Variants in AGMO observed in about 807,000 individuals in gnomAD.
AGMO encodes the protein alkylglycerol monooxygenase.
Under a neutral mutation model 60.2 loss-of-function variants are expected in AGMO, and 75 were observed. That is an observed-to-expected ratio of 1.25 (90% CI 1.03 to 1.51). AGMO has a LOEUF of 1.51. AGMO is among the 40% of genes most tolerant of loss of function. The pLI is 0.00. For synonymous variants in AGMO, 261 were observed against 177.1 expected (o/e 1.47, Z -3.76); for missense variants, 763 against 525.5 (o/e 1.45, Z -4.42).
intron 1 of AGMO, 58 bp from the exon 2 acceptor site, chr7:15,560,329 A>G (rs745710642): frequency 1.5e-5 from 23 of 1,554,422 alleles, no homozygotes; most frequent in Non-Finnish European, 1.9e-5. Flanking sequence ...ATTATTTTAC[A>G]TTTCCTGATT....
intron 3 of AGMO, among the ~76,000 whole-genome samples, chr7:15,528,353 C>T (rs889157465): frequency 2.0e-5 from 3 of 151,938 alleles, no homozygotes; most frequent in Non-Finnish European, 4.4e-5. Flanking sequence ...TTCTTGATTG[C>T]GATATTCACT....
At chr7:15,198,236 A>AGAGAGAGAGAGAGAGG (rs1563030426), downstream of AGMO, among the ~76,000 whole-genome samples, 124 of 115,814 alleles carry the variant, frequency 1.1e-3, 3 homozygotes, top group Non-Finnish European at 1.8e-3. Flanking sequence ...AGAGAGAGAG[A>AGAGAGAGAGAGAGAGG]GAGAGAGAGA....
intron 12 of AGMO, among the ~76,000 whole-genome samples, chr7:15,301,765 T>C (rs1214516960): frequency 6.6e-6 from 1 of 152,134 alleles, no homozygotes. Flanking sequence ...CCAATCTGAA[T>C]TACATACATC....
chr7:15,159,691 G>T, the AGMO span, among the ~76,000 whole-genome samples: 40 of 152,090 alleles, frequency 2.6e-4, no homozygotes, highest in Admixed American at 2.0e-4. Flanking sequence ...GCTGCAAATG[G>T]GACAGGATAA....
the AGMO span, among the ~76,000 whole-genome samples, chr7:15,179,324 T>G: frequency 1.3e-5 from 2 of 152,086 alleles, no homozygotes; most frequent in Admixed American, 1.3e-4. Context: ...GAGGCAAATT[T>G]CCTCCAGCTG....
At chr7:15,267,573 A>G (rs1290177644) in intron 12 of AGMO, among the ~76,000 whole-genome samples, 12 of 152,000 alleles carry the variant, frequency 7.9e-5, no homozygotes, top group Non-Finnish European at 1.5e-5. Flanking sequence ...TCTGAACAAC[A>G]GTTCACACTT....
intron 12 of AGMO, among the ~76,000 whole-genome samples, chr7:15,331,570 G>T (rs1307247243): frequency 6.6e-6 from 1 of 152,138 alleles, no homozygotes; most frequent in Non-Finnish European, 1.5e-5. Flanking sequence ...AACACTATGT[G>T]TTCACTAAAA....
At chr7:15,357,189 T>TTG (rs1375660106) in intron 12 of AGMO, among the ~76,000 whole-genome samples, 2 of 87,158 alleles carry the variant, frequency 2.3e-5, no homozygotes, top group African/African-American at 1.2e-4. Flanking sequence ...CTATGAATAT[T>TTG]CGTGTGTGTG....
At chr7:15,427,972 T>C (rs537992084) in intron 4 of AGMO, among the ~76,000 whole-genome samples, 2 of 44,532 alleles carry the variant, frequency 4.5e-5, no homozygotes, top group Non-Finnish European at 1.1e-4. Flanking sequence ...CATAGTAATA[T>C]AGAAGAAATA....
At chr7:15,167,696 AG>A in the AGMO span, among the ~76,000 whole-genome samples, 3 of 152,206 alleles carry the variant, frequency 2.0e-5, no homozygotes, top group Non-Finnish European at 4.4e-5. Flanking sequence ...AGCCTCTCTA[AG>A]GTCAACTCAA....
downstream of AGMO, among the ~76,000 whole-genome samples, chr7:15,195,502 C>A (rs559424859): frequency 6.6e-6 from 1 of 152,312 alleles, no homozygotes; most frequent in East Asian, 1.9e-4. Flanking sequence ...CCACCCTAAT[C>A]TTTTTATTAT....
intron 5 of AGMO, 21 bp downstream of exon 5, chr7:15,418,537 A>G (rs771021141): frequency 1.4e-6 from 2 of 1,472,864 alleles, no homozygotes; most frequent in Non-Finnish European, 1.9e-6. Context: ...TAAAACTTAC[A>G]AAGATAAAAA....
At chr7:15,340,673 G>A (rs984525844) in intron 12 of AGMO, among the ~76,000 whole-genome samples, 6 of 152,194 alleles carry the variant, frequency 3.9e-5, no homozygotes, top group Admixed American at 2.0e-4. Flanking sequence ...TGGGTGTGCA[G>A]AAGACAAGAA....
rs551240904 is a variant in AGMO at position 15,287,214 on chromosome 7, A to C, written c.1263+78300T>G. 3.9e-5 allele frequency among the ~76,000 whole-genome samples: 6 copies of C among 152,260 alleles called. No homozygotes were observed. The South Asian group carries it at 6.2e-4, about 16-fold the overall frequency. ...TAATCAAAAACCATGTACATCCCCA[A>C]AGCTATTGAAATAAAATATATTTTT... On this transcript the variant is annotated intron_variant, in intron 12 of 12. Coordinates refer to ENST00000342526, the MANE Select transcript of AGMO (RefSeq NM_001004320.2).
intron 12 of AGMO, among the ~76,000 whole-genome samples, chr7:15,260,874 A>C (rs1158324787): frequency 1.3e-5 from 2 of 151,966 alleles, no homozygotes; most frequent in Admixed American, 1.3e-4. Flanking sequence ...CCTCAAAACC[A>C]CGCAAATACA....
At chr7:15,182,732 G>A in the AGMO span, among the ~76,000 whole-genome samples, 1 of 152,110 alleles carries the variant, frequency 6.6e-6, no homozygotes, top group Non-Finnish European at 1.5e-5. Flanking sequence ...AATACACTTT[G>A]TCTTAATGGG....
At chr7:15,314,673 G>C (rs180673613) in intron 12 of AGMO, among the ~76,000 whole-genome samples, 1 of 152,066 alleles carries the variant, frequency 6.6e-6, no homozygotes, top group African/African-American at 2.4e-5. Context: ...GATGTGGGTA[G>C]GGCCTCTCTA....
chr7:15,302,476 T>C (rs1405830257), intron 12 of AGMO, among the ~76,000 whole-genome samples: 1 of 152,212 alleles, frequency 6.6e-6, no homozygotes, highest in Non-Finnish European at 1.5e-5. Context: ...ATTTATTATT[T>C]TGTTCTAACT....
At chr7:15,539,262 G>A (rs1388251006) in intron 3 of AGMO, among the ~76,000 whole-genome samples, 1 of 152,076 alleles carries the variant, frequency 6.6e-6, no homozygotes, top group African/African-American at 2.4e-5. Flanking sequence ...CATAGCACCT[G>A]ATAGGTATTT....
Sources: gnomAD v4.1 joint callset for allele counts (sites outside exome capture counted in the v4.1 genomes callset) on GRCh38, gnomAD v4.1.1 for gene constraint, MANE v1.5 for transcripts, NCBI Gene and HGNC (gene_info 2026-07-23, HGNC 2026-07-21) for gene names.